RASSF8: variants seen among roughly 807,000 people sequenced by gnomAD.
The protein encoded by RASSF8 is ras association domain-containing protein 8.
A neutral mutation model predicts 48.5 loss-of-function variants in RASSF8; 22 were observed. That is an observed-to-expected ratio of 0.45 (90% confidence interval 0.32 to 0.65). The LOEUF (loss-of-function observed/expected upper bound fraction) is 0.65, where lower values mean the gene tolerates loss of function less well. RASSF8 is among the 30% of genes least tolerant of loss of function. RASSF8 has a pLI of 0.03. For missense variants in RASSF8, 418 were observed against 489.2 expected, an observed-to-expected ratio of 0.85 and a Z score of 1.37; for synonymous variants, 127 against 171.5, an observed-to-expected ratio of 0.74 and a Z score of 2.03.
At chr12:26,068,087 A>C (rs918613011) in intron 5 of RASSF8, among the ~76,000 whole-genome samples, 1 of 152,276 alleles carries the variant, frequency 6.6e-6, no homozygotes, top group African/African-American at 2.4e-5. Flanking sequence ...TTAACTTTGA[A>C]TAAACTACTT....
intron 1 of RASSF8, among the ~76,000 whole-genome samples, chr12:25,984,131 A>G (rs974093110): frequency 6.6e-6 from 1 of 151,420 alleles, no homozygotes; most frequent in African/African-American, 2.4e-5. Flanking sequence ...GCATGATTAT[A>G]GCTCACTCAC....
chr12:26,030,869 C>G (rs554974616), intron 2 of RASSF8, among the ~76,000 whole-genome samples: 19 of 152,222 alleles, frequency 1.2e-4, no homozygotes, highest in African/African-American at 3.9e-4. Context: ...TGTTACTACT[C>G]AACTTCATTG....
intron 2 of RASSF8, among the ~76,000 whole-genome samples, chr12:26,036,512 G>T (rs1943153481): frequency 6.6e-6 from 1 of 152,012 alleles, no homozygotes; most frequent in African/African-American, 2.4e-5. Flanking sequence ...AAATTTTAAT[G>T]TAAGATGTCC....
chr12:25,997,639 G>C (rs1329776313), intron 2 of RASSF8, among the ~76,000 whole-genome samples: 1 of 152,154 alleles, frequency 6.6e-6, no homozygotes, highest in Non-Finnish European at 1.5e-5. Context: ...GTTTTAGAAG[G>C]CTTGAAATGA....
intron 2 of RASSF8, among the ~76,000 whole-genome samples, chr12:26,006,898 A>C (rs1407274803): frequency 6.6e-6 from 1 of 152,208 alleles, no homozygotes; most frequent in African/African-American, 2.4e-5. Flanking sequence ...GCTATAGAGG[A>C]ATACCTGAGA....
chr12:26,013,363 A>G (rs11610214), intron 2 of RASSF8, among the ~76,000 whole-genome samples: 5,360 of 152,330 alleles, frequency 0.035, 117 homozygotes, highest in Middle Eastern at 0.054. Flanking sequence ...GCTTATAGCA[A>G]ACCCATAGAG....
intron 2 of RASSF8, among the ~76,000 whole-genome samples, chr12:26,042,935 C>A (rs1274151007): frequency 2.6e-5 from 4 of 152,112 alleles, no homozygotes; most frequent in Non-Finnish European, 4.4e-5. Context: ...TACTCGAATG[C>A]CAATTTTATT....
intron 2 of RASSF8, among the ~76,000 whole-genome samples, chr12:26,008,689 A>G (rs558679248): frequency 6.6e-6 from 1 of 152,336 alleles, no homozygotes; most frequent in South Asian, 2.1e-4. Context: ...ATAATGTCAT[A>G]TGGGTGGCTT....
intron 1 of RASSF8, among the ~76,000 whole-genome samples, chr12:25,970,681 C>T (rs1296332718): frequency 2.0e-5 from 3 of 152,176 alleles, no homozygotes; most frequent in Non-Finnish European, 4.4e-5. Context: ...TACACAGGAC[C>T]TCGGACATCT....
chr12:26,021,082 C>T (rs941733958), intron 2 of RASSF8, among the ~76,000 whole-genome samples: 2 of 151,974 alleles, frequency 1.3e-5, no homozygotes, highest in African/African-American at 4.8e-5. Flanking sequence ...TCTTTCTATA[C>T]CTAAAATATA....
At chr12:26,034,602 G>C (rs1392798232) in intron 2 of RASSF8, among the ~76,000 whole-genome samples, 2 of 151,976 alleles carry the variant, frequency 1.3e-5, no homozygotes, top group Admixed American at 6.6e-5. Context: ...AATAATCTTA[G>C]GGGGGAGAAA....
Position 26,071,874 on chromosome 12 carries a change from T to C in RASSF8, c.*3056T>C. On this transcript the variant is annotated 3_prime_UTR_variant, in exon 6 of 6. Transcript: ENST00000689635. ...AGTATAGCAATATATAACAAGAACA[T>C]GTAAGCACTTGCTTCCACAGCATAA... 1 of 984,886 alleles carries C rather than the reference T, an allele frequency of 1.0e-6. No individual in the cohort carries two copies. Among genetic ancestry groups the C allele is most frequent in the Non-Finnish European group, 1.2e-6 (1 of 829,456 alleles). The allele number at this position is 984,886 out of a possible 1,614,324, so 61.0% of individuals were successfully genotyped here.
chr12:25,985,233 T>A (rs999508705), intron 1 of RASSF8, among the ~76,000 whole-genome samples: 1 of 152,150 alleles, frequency 6.6e-6, no homozygotes, highest in African/African-American at 2.4e-5. Context: ...GTTTTTTGTG[T>A]GTGTGTGGGA....
At chr12:26,017,155 T>A (rs1942670997) in intron 2 of RASSF8, among the ~76,000 whole-genome samples, 1 of 152,176 alleles carries the variant, frequency 6.6e-6, no homozygotes, top group South Asian at 2.1e-4. Flanking sequence ...TGCTTTTGTC[T>A]TTATATCAAT....
At chr12:26,027,522 G>A (rs528666356) in intron 2 of RASSF8, among the ~76,000 whole-genome samples, 1 of 152,186 alleles carries the variant, frequency 6.6e-6, no homozygotes, top group Non-Finnish European at 1.5e-5. Flanking sequence ...TTAAAGTTAA[G>A]TGTACAAAAT....
At chr12:25,998,133 C>T (rs888645687) in intron 2 of RASSF8, among the ~76,000 whole-genome samples, 1 of 152,050 alleles carries the variant, frequency 6.6e-6, no homozygotes, top group Non-Finnish European at 1.5e-5. Context: ...AGCTCTGATT[C>T]GAGAATGTTA....
At chr12:26,077,908 T>G (rs1944085786) in intron 5 of RASSF8, among the ~76,000 whole-genome samples, 1 of 152,220 alleles carries the variant, frequency 6.6e-6, no homozygotes, top group South Asian at 2.1e-4. Flanking sequence ...GTTAAAATAC[T>G]TATCTCTAAA....
chr12:26,010,716 A>G (rs550326678), intron 2 of RASSF8, among the ~76,000 whole-genome samples: 6 of 152,292 alleles, frequency 3.9e-5, no homozygotes, highest in Admixed American at 3.9e-4. Context: ...GAGGAGGGAA[A>G]GGAATGCTTC....
intron 1 of RASSF8, among the ~76,000 whole-genome samples, chr12:25,971,764 A>G (rs1320909212): frequency 2.0e-5 from 3 of 152,248 alleles, no homozygotes; most frequent in Non-Finnish European, 1.5e-5. Flanking sequence ...TATTGTAGAT[A>G]CAGCAGACAC....
Sources: allele counts gnomAD v4.1 joint callset (sites outside exome capture counted in the v4.1 genomes callset), GRCh38; gene constraint gnomAD v4.1.1; transcripts MANE v1.5; gene names NCBI Gene and HGNC (gene_info 2026-07-23, HGNC 2026-07-21).